The following MBTPS1 variants were observed in gnomAD, a reference collection of about 807,000 sequenced individuals.
MBTPS1 encodes membrane-bound transcription factor site-1 protease.
MBTPS1 carries 94 observed loss-of-function variants against 127.8 expected under a neutral mutation model. The ratio of observed to expected loss-of-function variants is 0.74; its 90% CI spans 0.62 to 0.87. MBTPS1 has a LOEUF of 0.87. Among genes scored for constraint, MBTPS1 ranks in the 40% least tolerant of loss-of-function variants. The pLI, the probability that MBTPS1 is intolerant of heterozygous loss-of-function variation, is 0.00. For synonymous variants in MBTPS1, 632 were observed against 509.4 expected (o/e 1.24, Z -3.24); for missense variants, 1,636 against 1,353.2 (o/e 1.21, Z -3.28).
chr16:84,073,894 T>C (rs1006687133), intron 12 of MBTPS1, among the ~76,000 whole-genome samples: 1 of 151,974 alleles, frequency 6.6e-6, no homozygotes, highest in Non-Finnish European at 1.5e-5. Flanking sequence ...TAATCCCAGA[T>C]ACCTGGGAGG....
intron 1 of MBTPS1, among the ~76,000 whole-genome samples, chr16:84,112,490 T>A (rs2086411173): frequency 6.6e-6 from 1 of 151,440 alleles, no homozygotes; most frequent in South Asian, 2.1e-4. Flanking sequence ...AAACCCCGTT[T>A]CCACTAAAAA....
intron 9 of MBTPS1, among the ~76,000 whole-genome samples, chr16:84,086,742 C>T (rs138025236): frequency 8.1e-4 from 124 of 152,268 alleles, no homozygotes; most frequent in African/African-American, 2.9e-3. Context: ...ATGCTCCCCT[C>T]GGCCACAGCG....
intron 11 of MBTPS1, among the ~76,000 whole-genome samples, chr16:84,077,434 G>C (rs1453947248): frequency 6.6e-6 from 1 of 152,120 alleles, no homozygotes; most frequent in Admixed American, 6.6e-5. Context: ...CTCAGGGATA[G>C]ACATAATACA....
At position 84,101,832 on chromosome 16, in the gene MBTPS1, T is replaced by C. The variant is rs1597348906; in HGVS notation, c.-49A>G. ...AAATTGCATATATTCAAATCACACT[T>C]TTTTCTTCTTGATTAAAAGTGAATT... On this transcript the variant is annotated 5_prime_UTR_variant, in exon 2 of 23. Transcript: ENST00000343411. The C allele has an allele frequency of 6.5e-7, 1 of 1,545,010 alleles. No homozygotes were observed. Among genetic ancestry groups the C allele is most frequent in the African/African-American group, 1.4e-5 (1 of 72,900 alleles).
At chr16:84,056,394 T>C in intron 21 of MBTPS1, 1 of 366,862 alleles carries the variant, frequency 2.7e-6, no homozygotes, top group South Asian at 3.6e-5. Flanking sequence ...CAGGAGCCTG[T>C]TTTTGCATAA....
At chr16:84,066,960 G>A (rs544763865) in intron 16 of MBTPS1, among the ~76,000 whole-genome samples, 22 of 152,216 alleles carry the variant, frequency 1.4e-4, no homozygotes, top group African/African-American at 4.6e-4. Context: ...TAAAGAAACC[G>A]ATTCAAAACA....
At position 84,106,334 on chromosome 16, in the gene MBTPS1, G is replaced by T. The variant is rs1473680935; in HGVS notation, c.-324-4227C>A. Among the ~76,000 whole-genome samples the T allele has an allele frequency of 3.3e-5, 5 of 152,162 alleles. No homozygotes were observed. In the East Asian group the frequency reaches 9.6e-4, roughly 29 times the overall value. The stretch of plus-strand genomic sequence containing the variant: ...TAATAAATAAATAAGAAAACACAAA[G>T]AAAAGGAATATGACAAGTCAGGAGA... On this transcript the variant is annotated intron_variant, in intron 1 of 22. Transcript: ENST00000343411.
At chr16:84,079,576 G>C (rs752517919) in intron 11 of MBTPS1, among the ~76,000 whole-genome samples, 2 of 152,222 alleles carry the variant, frequency 1.3e-5, no homozygotes, top group Admixed American at 1.3e-4. Context: ...ACATGGGCTA[G>C]CAGTTCCAAA....
intron 21 of MBTPS1, among the ~76,000 whole-genome samples, chr16:84,058,246 C>T (rs1209309227): frequency 2.0e-5 from 3 of 152,232 alleles, no homozygotes; most frequent in East Asian, 1.9e-4. Flanking sequence ...TCAGCACTTT[C>T]GGTTTATGAT....
chr16:84,095,657 CG>C lies in MBTPS1; in HGVS notation c.569del (p.Pro190ArgfsTer23). On this transcript the variant is annotated frameshift_variant, in exon 4 of 23. Transcript: ENST00000343411. LOFTEE classifies it high-confidence loss of function. ...CCTGCAGTGTCTGGGCAACCTGGCG[CG>C]GGATGGCTCTCAGCAGCCGTCTGCT... ...HSSRRLLRAI[P>X]RQVAQTLQAD... The C allele has an allele frequency of 5.0e-6, 8 of 1,614,268 alleles. No homozygotes were observed. The highest frequency in any genetic ancestry group is 6.8e-6 in the Non-Finnish European group (8 of 1,180,052).
chr16:84,064,839 A>G (rs2085658527), intron 18 of MBTPS1, among the ~76,000 whole-genome samples: 2 of 152,148 alleles, frequency 1.3e-5, no homozygotes, highest in African/African-American at 4.8e-5. Context: ...TCCAGGTAAT[A>G]TAAAAATAAG....
chr16:84,103,989 C>G (rs1036181400), intron 1 of MBTPS1, among the ~76,000 whole-genome samples: 1 of 152,086 alleles, frequency 6.6e-6, no homozygotes, highest in Non-Finnish European at 1.5e-5. Flanking sequence ...CTAAAGCCAC[C>G]CTAACAGGTT....
chr16:84,093,345 G>A, intron 5 of MBTPS1, 48 bp from the exon 6 acceptor site: 2 of 1,242,264 alleles, frequency 1.6e-6, no homozygotes, highest in South Asian at 1.2e-5. Flanking sequence ...TGAATAGCAA[G>A]TGCCAGGACG....
At chr16:84,103,310 G>T (rs2086282911) in intron 1 of MBTPS1, among the ~76,000 whole-genome samples, 1 of 151,094 alleles carries the variant, frequency 6.6e-6, no homozygotes, top group Non-Finnish European at 1.5e-5. Context: ...GCTGGAGTGG[G>T]TGGCGCAATC....
At chr16:84,062,975 C>T (rs1481662523) in intron 19 of MBTPS1, among the ~76,000 whole-genome samples, 1 of 152,214 alleles carries the variant, frequency 6.6e-6, no homozygotes, top group African/African-American at 2.4e-5. Context: ...CGTAGGAAGC[C>T]TGGGAGGGGC....
chr16:84,055,893 C>A, intron 22 of MBTPS1, 112 bp downstream of exon 22: 1 of 1,255,592 alleles, frequency 8.0e-7, no homozygotes, highest in Non-Finnish European at 1.1e-6. Context: ...ACCACAGCTC[C>A]CAGGAAGGCA....
Position 84,063,405 on chromosome 16 carries a change from GT to G in MBTPS1, c.2471del (p.Asn824ThrfsTer51). On this transcript the variant is annotated frameshift_variant, in exon 19 of 23. Coordinates refer to ENST00000343411, the MANE Select transcript of MBTPS1 (RefSeq NM_003791.4). LOFTEE classifies it high-confidence loss of function. ...TCTGATAAAGTCCCAAAATGGGGAC[GT>G]TTTCAACAACTGCTGTTTCCTGCTT... ...VLKQETAVVE[N>X]VPILGLYQIP... The G allele has an allele frequency of 1.2e-6, 2 of 1,614,018 alleles. No homozygotes were observed. The highest frequency in any genetic ancestry group is 1.7e-6 in the Non-Finnish European group (2 of 1,179,910).
intron 1 of MBTPS1, among the ~76,000 whole-genome samples, chr16:84,103,669 G>C (rs1208345963): frequency 6.6e-6 from 1 of 152,164 alleles, no homozygotes; most frequent in African/African-American, 2.4e-5. Context: ...TGAGTTTTTG[G>C]TTTCTGGAAA....
At chr16:84,114,030 T>C (rs565371418) in intron 1 of MBTPS1, among the ~76,000 whole-genome samples, 2 of 150,676 alleles carry the variant, frequency 1.3e-5, no homozygotes, top group South Asian at 2.1e-4. Context: ...AATGGCGCGA[T>C]CTCAGCTCAC....
Sources: gnomAD v4.1 joint callset for allele counts (sites outside exome capture counted in the v4.1 genomes callset) on GRCh38, gnomAD v4.1.1 for gene constraint, MANE v1.5 for transcripts, NCBI Gene and HGNC (gene_info 2026-07-23, HGNC 2026-07-21) for gene names.